Variants in DIAPH2 observed in about 807,000 individuals in gnomAD.
DIAPH2 encodes protein diaphanous homolog 2.
In DIAPH2, 35 loss-of-function variants were observed where a neutral mutation model predicts 92.7. That is an observed-to-expected ratio of 0.38 (90% CI 0.29 to 0.50). The LOEUF (loss-of-function observed/expected upper bound fraction) is 0.50, where lower values mean the gene tolerates loss of function less well. Ranked by LOEUF, DIAPH2 falls within the 20% of genes least tolerant of loss-of-function variation. The probability of loss-of-function intolerance (pLI) is 0.94; values close to 1 mark genes in which losing one functional copy is unlikely to be tolerated. For missense variants in DIAPH2, 701 were observed against 819.5 expected (o/e 0.86, Z 1.77); for synonymous variants, 301 against 280.4 (o/e 1.07, Z -0.73).
intron 24 of DIAPH2, among the ~76,000 whole-genome samples, chrX:97,371,377 G>A (rs747670885): frequency 6.3e-5 from 7 of 111,248 alleles, no homozygotes; most frequent in African/African-American, 2.3e-4. Flanking sequence ...GCAATATGGC[G>A]GTTCCTGGGG....
At chrX:97,299,922 A>T (rs945121833) in intron 23 of DIAPH2, among the ~76,000 whole-genome samples, 1 of 112,123 alleles carries the variant, frequency 8.9e-6, no homozygotes, top group African/African-American at 3.2e-5. Context: ...TTGAAAATCC[A>T]TGACAATTTT....
At chrX:97,223,175 T>C (rs2067939361) in intron 22 of DIAPH2, among the ~76,000 whole-genome samples, 1 of 111,578 alleles carries the variant, frequency 9.0e-6, no homozygotes, top group South Asian at 3.8e-4. Flanking sequence ...TAAGTGTTCC[T>C]TAGATCTGAG....
At chrX:96,920,580 AATTTG>A (rs1463466312) in intron 9 of DIAPH2, among the ~76,000 whole-genome samples, 3 of 111,910 alleles carry the variant, frequency 2.7e-5, no homozygotes, top group Non-Finnish European at 5.6e-5. Flanking sequence ...ATAGAGCTGT[AATTTG>A]AACCCATGTC....
chrX:97,434,787 A>AT (rs2070165278), intron 26 of DIAPH2, among the ~76,000 whole-genome samples: 2 of 111,860 alleles, frequency 1.8e-5, no homozygotes, highest in Admixed American at 9.5e-5. Flanking sequence ...TGGATAAGTT[A>AT]AACTGAAAGT....
In DIAPH2 at chrX:96,697,897, A is replaced by C. The variant is rs775033721; in HGVS notation, c.132+12707A>C. Among the ~76,000 whole-genome samples the C allele has an allele frequency of 5.4e-4, 60 of 110,868 alleles. 1 individual carries two copies. Among genetic ancestry groups the C allele is most frequent in the East Asian group, 3.1e-3 (11 of 3,506 alleles). ...TTGTCAAAAAAAAAAAAATTCTTTG[A>C]ATCACTGCCATGAAGTAATGGGTCA... On this transcript the variant is annotated intron_variant, in intron 1 of 26. Transcript: ENST00000324765.
chrX:97,385,539 TATTTTAAGTCA>T (rs1342187948), intron 25 of DIAPH2, among the ~76,000 whole-genome samples: 1 of 111,427 alleles, frequency 9.0e-6, no homozygotes. Flanking sequence ...CACTTTTACA[TATTTTAAGTCA>T]ATCCTCACAC....
chrX:97,221,868 GT>G, intron 22 of DIAPH2, among the ~76,000 whole-genome samples: 1 of 108,743 alleles, frequency 9.2e-6, no homozygotes, highest in South Asian at 3.9e-4. Flanking sequence ...TCCTGAAACT[GT>G]TTTTAGAATG....
Position 97,026,035 on chromosome X carries a change from A to T in DIAPH2, c.2051-46906A>T, listed in dbSNP as rs1382303887. ...GTCTGTGCTCTTGCCTGAAAACTTT[A>T]TATATGAACATGGATATGTTTATTT... On this transcript the variant is annotated intron_variant, in intron 17 of 26. Coordinates refer to ENST00000324765, the MANE Select transcript of DIAPH2 (RefSeq NM_006729.5). Among the ~76,000 whole-genome samples the T allele has an allele frequency of 2.7e-5, 3 of 112,097 alleles. No individual in the cohort carries two copies. The South Asian group carries it at 1.1e-3, about 42-fold the overall frequency.
intron 23 of DIAPH2, among the ~76,000 whole-genome samples, chrX:97,312,094 C>A (rs1036379477): frequency 9.0e-6 from 1 of 110,967 alleles, no homozygotes; most frequent in Non-Finnish European, 1.9e-5. Context: ...TCCCAAGGTG[C>A]TGGGATTACA....
At chrX:97,538,744 G>T (rs2071116515) in intron 26 of DIAPH2, among the ~76,000 whole-genome samples, 1 of 112,018 alleles carries the variant, frequency 8.9e-6, no homozygotes, top group South Asian at 3.7e-4. Context: ...GAAACAAATT[G>T]AAAAGGATGC....
intron 4 of DIAPH2, among the ~76,000 whole-genome samples, chrX:96,796,355 T>G (rs1292212371): frequency 2.7e-5 from 3 of 110,516 alleles, no homozygotes; most frequent in African/African-American, 9.9e-5. Context: ...AATTTTTGTA[T>G]TTTTAGTAGA....
At chrX:97,213,830 T>G (rs1446612795) in intron 22 of DIAPH2, among the ~76,000 whole-genome samples, 1 of 112,155 alleles carries the variant, frequency 8.9e-6, no homozygotes. Flanking sequence ...ATCCTACACA[T>G]AGTAAGGGAA....
chrX:97,154,465 A>G (rs937806750), intron 22 of DIAPH2, among the ~76,000 whole-genome samples: 1 of 112,047 alleles, frequency 8.9e-6, no homozygotes, highest in African/African-American at 3.2e-5. Context: ...GTCAATTATT[A>G]TAATTAGAAA....
At chrX:96,712,685 C>T (rs904961169) in intron 1 of DIAPH2, among the ~76,000 whole-genome samples, 5 of 111,467 alleles carry the variant, frequency 4.5e-5, no homozygotes, top group African/African-American at 1.6e-4. Context: ...TAGTTTCTCT[C>T]GTCTAAAGTA....
intron 26 of DIAPH2, among the ~76,000 whole-genome samples, chrX:97,507,563 A>T (rs750970407): frequency 9.0e-6 from 1 of 111,550 alleles, no homozygotes; most frequent in Admixed American, 9.6e-5. Flanking sequence ...TTGATTCTGA[A>T]AGCTTTCTGA....
chrX:96,719,922 G>A (rs987048028), intron 1 of DIAPH2, among the ~76,000 whole-genome samples: 16 of 111,592 alleles, frequency 1.4e-4, no homozygotes, highest in South Asian at 3.8e-4. Flanking sequence ...TAAAGTGATC[G>A]GGATTTTTAC....
At chrX:97,476,246 G>C (rs761520121) in intron 26 of DIAPH2, among the ~76,000 whole-genome samples, 1 of 112,139 alleles carries the variant, frequency 8.9e-6, no homozygotes, top group South Asian at 3.7e-4. Context: ...TGGTTATAAA[G>C]TATAGCTGTA....
intron 23 of DIAPH2, among the ~76,000 whole-genome samples, chrX:97,286,721 G>A (rs147939068): frequency 9.9e-4 from 110 of 111,172 alleles, no homozygotes; most frequent in African/African-American, 3.6e-3. Context: ...ACTCATGCAG[G>A]TCTTTGCCCT....
At chrX:97,188,378 A>C (rs185286016) in intron 22 of DIAPH2, among the ~76,000 whole-genome samples, 13 of 111,354 alleles carry the variant, frequency 1.2e-4, no homozygotes, top group Non-Finnish European at 1.9e-5. Context: ...GGAGACTGGG[A>C]AAGGTAGATT....
Sources: gnomAD v4.1 joint callset for allele counts (sites outside exome capture counted in the v4.1 genomes callset) on GRCh38, gnomAD v4.1.1 for gene constraint, MANE v1.5 for transcripts, NCBI Gene and HGNC (gene_info 2026-07-23, HGNC 2026-07-21) for gene names.